WDR33: variants seen among roughly 807,000 people sequenced by gnomAD.
The protein encoded by WDR33 is pre-mRNA 3' end processing protein WDR33.
Under a neutral mutation model 164.9 loss-of-function variants are expected in WDR33, and 47 were observed. That is an observed-to-expected ratio of 0.29 (90% CI 0.23 to 0.36). The LOEUF (loss-of-function observed/expected upper bound fraction) is 0.36. Among genes scored for constraint, WDR33 ranks in the 10% least tolerant of loss-of-function variants. The pLI, the probability that WDR33 is intolerant of heterozygous loss-of-function variation, is 1.00. For synonymous variants in WDR33, 505 were observed against 589.0 expected (o/e 0.86, Z 2.06); for missense variants, 1,137 against 1,754.1 (o/e 0.65, Z 6.28).
chr2:127,750,682 A>T, intron 7 of WDR33, among the ~76,000 whole-genome samples: 1 of 37,082 alleles, frequency 2.7e-5, no homozygotes, highest in Non-Finnish European at 4.5e-5. Flanking sequence ...AAAAAAATAT[A>T]TATATATATA....
intron 7 of WDR33, among the ~76,000 whole-genome samples, chr2:127,727,835 A>G (rs1276338223): frequency 6.6e-6 from 1 of 152,182 alleles, no homozygotes; most frequent in Admixed American, 6.5e-5. Context: ...GCTTCTGTGA[A>G]GTTCTGAGGT....
rs548625565 is a variant in WDR33, at chr2:127,776,090, A to AC, written c.-23-5087dup. Reference sequence around the variant, plus strand: ...CAAAAATTCACAAATGTAAGTCCTAACCTCCAGTACCTCACAATGTGATTC... The same window carrying AC: ...CAAAAATTCACAAATGTAAGTCCTAACCCTCCAGTACCTCACAATGTGATTC... On this transcript the variant is annotated intron_variant, in intron 1 of 21. Coordinates refer to ENST00000322313, the MANE Select transcript of WDR33 (RefSeq NM_018383.5). Among the ~76,000 whole-genome samples the AC allele has an allele frequency of 1.2e-3, 189 of 152,202 alleles. 1 individual carries two copies. The highest frequency in any genetic ancestry group is 3.4e-3 in the Middle Eastern group (1 of 294).
In WDR33 at chr2:127,765,352, C is replaced by T. The variant is rs1248365275; in HGVS notation, c.379-83G>A. The T allele has an allele frequency of 5.5e-6, 5 of 910,210 alleles. 1 individual carries two copies. 56.4% of individuals were successfully genotyped at this position (910,210 alleles called of 1,614,324 possible). A position where few individuals can be genotyped will look rare whatever the true frequency, so the allele number is the denominator to read the frequency against. On this transcript the variant is annotated intron_variant, in intron 4 of 21. Transcript: ENST00000322313. ...ATATTAAAGGTATTTGTAAAACATG[C>T]AATAACTGACATTAAATAATGATAC...
At chr2:127,779,582 T>A (rs1000356838) in intron 1 of WDR33, among the ~76,000 whole-genome samples, 3 of 152,272 alleles carry the variant, frequency 2.0e-5, no homozygotes, top group African/African-American at 7.2e-5. Context: ...TCACAATATT[T>A]ACAAAGTATT....
In WDR33 at chr2:127,805,068, C is replaced by CTTTTTTT. The variant is rs201681607; in HGVS notation, c.-24+5937_-24+5943dup. Among the ~76,000 whole-genome samples the CTTTTTTT allele has an allele frequency of 2.4e-3, 199 of 84,420 alleles. 3 individuals carry two copies. Among genetic ancestry groups the CTTTTTTT allele is most frequent in the African/African-American group, 3.0e-3 (60 of 19,914 alleles). 55.4% of individuals were successfully genotyped at this position (84,420 alleles called of 152,430 possible). The stretch of plus-strand genomic sequence containing the variant: ...CGTATCATCACCTGTGAAGTTTTTT[C>CTTTTTTT]TTTTTTTTTTTTTTTTTTTTTTTTT... On this transcript the variant is annotated intron_variant, in intron 1 of 21. Transcript: ENST00000322313.
chr2:127,770,912 G>C lies in WDR33; in HGVS notation c.70C>G (p.Gln24Glu). The change falls in exon 2 of 22, where the codon CAG (glutamine) becomes GAG (glutamate). Residue 24 changes from glutamine to glutamate, a missense_variant. By Grantham distance (29) the Gln-to-Glu change is conservative. Transcript: ENST00000322313. This position sits in a 1 kb window ranked among gnomAD's most constrained non-coding sequence, Gnocchi z 4.9. ...MPRFQHQAPR[Q>E]LFYKRPDFAQ... ...AAATCAGGTCGCTTATAAAACAGCT[G>C]TCGAGGTGCCTGGTGCTGGAACCTT... is the stretch of plus-strand genomic sequence containing the variant. 1 of 1,614,092 alleles carries C rather than the reference G, an allele frequency of 6.2e-7. No homozygotes were observed. The highest frequency in any genetic ancestry group is 8.5e-7 in the Non-Finnish European group (1 of 1,180,012).
At chr2:127,806,797 T>C (rs1244731478) in intron 1 of WDR33, among the ~76,000 whole-genome samples, 2 of 151,940 alleles carry the variant, frequency 1.3e-5, no homozygotes, top group African/African-American at 4.8e-5. Flanking sequence ...AATAAAAATG[T>C]AGAAAAGCGT....
chr2:127,795,657 T>TAAA (rs113988239), intron 1 of WDR33, among the ~76,000 whole-genome samples: 75 of 130,576 alleles, frequency 5.7e-4, no homozygotes, highest in African/African-American at 2.0e-3. Context: ...CTCCTTTCTA[T>TAAA]AAAAAAAAAA....
intron 17 of WDR33, among the ~76,000 whole-genome samples, chr2:127,715,990 G>A (rs1466562777): frequency 1.3e-5 from 2 of 152,090 alleles, no homozygotes; most frequent in African/African-American, 2.4e-5. Context: ...AGGGAAGGAG[G>A]TGGAGACAGA....
At chr2:127,794,023 C>G (rs2105484408) in intron 1 of WDR33, among the ~76,000 whole-genome samples, 1 of 152,094 alleles carries the variant, frequency 6.6e-6, no homozygotes, top group East Asian at 1.9e-4. Flanking sequence ...GCCCCAGCTA[C>G]TTGGGTGGCT....
chr2:127,773,822 G>A (rs1302690932), intron 1 of WDR33, among the ~76,000 whole-genome samples: 1 of 152,094 alleles, frequency 6.6e-6, no homozygotes, highest in African/African-American at 2.4e-5. Context: ...GGAGTGCAGT[G>A]GTGCGATCTC....
In WDR33 at chr2:127,702,005, C is replaced by T. The variant is rs1043651702; in HGVS notation, c.*4318G>A. 68 of 1,310,698 alleles carry T rather than the reference C, an allele frequency of 5.2e-5. No individual in the cohort carries two copies. The highest frequency in any genetic ancestry group is 6.3e-5 in the Non-Finnish European group (65 of 1,032,984). The allele number at this position is 1,310,698 out of a possible 1,614,324, so 81.2% of individuals were successfully genotyped here. A position where few individuals can be genotyped will look rare whatever the true frequency, so the allele number is the denominator to read the frequency against. On this transcript the variant is annotated 3_prime_UTR_variant, in exon 22 of 22. Transcript: ENST00000322313. Reference sequence around the variant, plus strand: ...CAGCGCTGGGCGCCACGCTGTTCGCCGCGCTGGGCCTTCGCAGCACGCTGC... The same window carrying T: ...CAGCGCTGGGCGCCACGCTGTTCGCTGCGCTGGGCCTTCGCAGCACGCTGC...
intron 1 of WDR33, among the ~76,000 whole-genome samples, chr2:127,806,066 T>C (rs1306943852): frequency 6.6e-6 from 1 of 151,988 alleles, no homozygotes; most frequent in Admixed American, 6.6e-5. Context: ...GAGCTGTGAT[T>C]GTGCCACTGC....
chr2:127,737,465 G>T, intron 7 of WDR33: 1 of 985,672 alleles, frequency 1.0e-6, no homozygotes, highest in Non-Finnish European at 1.2e-6. Flanking sequence ...ATACAGTCAA[G>T]AAAAGCAGTA....
chr2:127,726,668 C>T lies in WDR33; in HGVS notation c.834G>A (p.Gly278=). The change falls in exon 8 of 22, where the codon GGG becomes GGA. Residue 278 remains glycine (G), a synonymous_variant. Transcript: ENST00000322313. This position sits in a 1 kb window ranked among gnomAD's most constrained non-coding sequence, Gnocchi z 4.8. ...QPIKFWDPKT[G]QSLATLHAHK... ...TCACTTACAGTGTTGCAAGACTCTG[C>T]CCAGTCTTGGGATCCCAGAACTTGA... The T allele has an allele frequency of 2.5e-6, 4 of 1,614,112 alleles. No individual in the cohort carries two copies. Among genetic ancestry groups the T allele is most frequent in the Non-Finnish European group, 3.4e-6 (4 of 1,179,994 alleles).
In WDR33 at chr2:127,737,381, G is replaced by A. The variant is rs181454210; in HGVS notation, c.725-10604C>T. The A allele has an allele frequency of 2.1e-3, 2,076 of 985,394 alleles. 8 individuals are homozygous for A. Among genetic ancestry groups the A allele is most frequent in the African/African-American group, 0.013 (761 of 57,332 alleles). 61.0% of individuals were successfully genotyped at this position (985,394 alleles called of 1,614,324 possible). On this transcript the variant is annotated intron_variant, in intron 7 of 21. Transcript: ENST00000322313. ...TGTACATATGTGTGTGTGTATGTTC[G>A]GGCACATGTTATTCAACAGTCACAG...
chr2:127,761,136 A>G (rs1687660529), intron 7 of WDR33, among the ~76,000 whole-genome samples: 1 of 152,210 alleles, frequency 6.6e-6, no homozygotes, highest in African/African-American at 2.4e-5. Flanking sequence ...TCCAAGCAGC[A>G]AAGTGGTTTT....
chr2:127,805,825 C>A (rs1034433296), intron 1 of WDR33, among the ~76,000 whole-genome samples: 4 of 152,094 alleles, frequency 2.6e-5, no homozygotes, highest in Non-Finnish European at 5.9e-5. Context: ...CAATGGTGAC[C>A]CTTGATTTCA....
intron 1 of WDR33, among the ~76,000 whole-genome samples, chr2:127,804,980 T>G (rs1250153757): frequency 6.6e-6 from 1 of 151,648 alleles, no homozygotes; most frequent in African/African-American, 2.4e-5. Context: ...AGCTAACATC[T>G]GGCAGTCCCT....
Sources: allele counts gnomAD v4.1 joint callset (sites outside exome capture counted in the v4.1 genomes callset), GRCh38; gene constraint gnomAD v4.1.1; non-coding constraint Gnocchi (gnomAD v3.1); transcripts MANE v1.5; gene names NCBI Gene and HGNC (gene_info 2026-07-23, HGNC 2026-07-21).